MAN2A1: variants seen among roughly 807,000 people sequenced by gnomAD.
MAN2A1 encodes mannosidase alpha class 2A member 1.
A neutral mutation model predicts 142.6 loss-of-function variants in MAN2A1; 76 were observed. The ratio of observed to expected loss-of-function variants is 0.53; its 90% CI spans 0.44 to 0.65. MAN2A1 has a LOEUF of 0.65. Ranked by LOEUF, MAN2A1 falls within the 30% of genes least tolerant of loss-of-function variation. The pLI, the probability that MAN2A1 is intolerant of heterozygous loss-of-function variation, is 0.00. For synonymous variants in MAN2A1, 559 were observed against 473.2 expected (o/e 1.18, Z -2.35); for missense variants, 1,311 against 1,365.1 (o/e 0.96, Z 0.62).
chr5:109,766,474 G>T (rs1752993283), intron 5 of MAN2A1, among the ~76,000 whole-genome samples: 1 of 152,174 alleles, frequency 6.6e-6, no homozygotes, highest in South Asian at 2.1e-4. Flanking sequence ...TGTAGATCCT[G>T]ACTTTTCCTT....
chr5:109,723,194 C>A (rs1194525062), intron 3 of MAN2A1, among the ~76,000 whole-genome samples: 1 of 152,122 alleles, frequency 6.6e-6, no homozygotes, highest in Non-Finnish European at 1.5e-5. Flanking sequence ...GGTAAAATTT[C>A]CAGTGACAGC....
chr5:109,770,623 G>T, intron 7 of MAN2A1, 82 bp downstream of exon 7: 1 of 1,257,860 alleles, frequency 8.0e-7, no homozygotes, highest in Non-Finnish European at 1.1e-6. Context: ...TTGAACAAAT[G>T]GGCTTTATTA....
intron 8 of MAN2A1, among the ~76,000 whole-genome samples, chr5:109,776,490 A>G (rs765153556): frequency 2.0e-5 from 3 of 152,088 alleles, no homozygotes; most frequent in Admixed American, 1.3e-4. Context: ...TCTTACTAGG[A>G]AGTGATTTTG....
chr5:109,785,016 A>C, intron 10 of MAN2A1, 90 bp downstream of exon 10: 1 of 848,564 alleles, frequency 1.2e-6, no homozygotes, highest in Non-Finnish European at 1.8e-6. Flanking sequence ...GTTAGTGTAT[A>C]TCAAACCACA....
intron 6 of MAN2A1, among the ~76,000 whole-genome samples, chr5:109,768,200 G>A (rs1248761101): frequency 6.6e-6 from 1 of 151,448 alleles, no homozygotes; most frequent in East Asian, 1.9e-4. Flanking sequence ...GGCCACGCAG[G>A]CATTCTAAGG....
At chr5:109,749,876 A>T (rs953099144) in intron 4 of MAN2A1, among the ~76,000 whole-genome samples, 1 of 151,922 alleles carries the variant, frequency 6.6e-6, no homozygotes, top group African/African-American at 2.4e-5. Flanking sequence ...TTCTAAGTAA[A>T]TTTTTTTATA....
chr5:109,844,735 C>T (rs1362508002), intron 17 of MAN2A1, among the ~76,000 whole-genome samples: 1 of 152,170 alleles, frequency 6.6e-6, no homozygotes, highest in Non-Finnish European at 1.5e-5. Context: ...TGCATCACTC[C>T]CATCTCTACC....
chr5:109,738,119 A>G (rs1752157684), intron 4 of MAN2A1, among the ~76,000 whole-genome samples: 1 of 152,110 alleles, frequency 6.6e-6, no homozygotes, highest in Non-Finnish European at 1.5e-5. Context: ...TCCTCATGTA[A>G]TCAATCACCT....
intron 2 of MAN2A1, among the ~76,000 whole-genome samples, chr5:109,714,176 AC>A (rs201974066): frequency 0.023 from 2,738 of 119,210 alleles, 32 homozygotes; most frequent in Middle Eastern, 0.087. Context: ...GTAAGGTTAG[AC>A]TTTTTTTTTT....
At chr5:109,720,229 A>G (rs1301846490) in intron 3 of MAN2A1, among the ~76,000 whole-genome samples, 2 of 152,216 alleles carry the variant, frequency 1.3e-5, no homozygotes, top group East Asian at 1.9e-4. Flanking sequence ...TGAAATGAAC[A>G]TTAGAAAATA....
chr5:109,701,928 G>A (rs1750994993), intron 1 of MAN2A1, among the ~76,000 whole-genome samples: 2 of 152,184 alleles, frequency 1.3e-5, no homozygotes, highest in African/African-American at 4.8e-5. Context: ...GTGGATGTTA[G>A]TGGAAATAAT....
At chr5:109,740,466 C>T (rs1013720305) in intron 4 of MAN2A1, among the ~76,000 whole-genome samples, 2 of 152,180 alleles carry the variant, frequency 1.3e-5, no homozygotes, top group Non-Finnish European at 2.9e-5. Context: ...AGAGTCCAGC[C>T]ACCTCAGAAG....
At chr5:109,723,167 A>C (rs1255832088) in intron 3 of MAN2A1, among the ~76,000 whole-genome samples, 1 of 152,206 alleles carries the variant, frequency 6.6e-6, no homozygotes, top group Non-Finnish European at 1.5e-5. Context: ...TAATGCAAAT[A>C]GGTTCCTCTG....
chr5:109,815,040 G>A (rs1754416080), intron 12 of MAN2A1, among the ~76,000 whole-genome samples: 1 of 152,120 alleles, frequency 6.6e-6, no homozygotes, highest in South Asian at 2.1e-4. Flanking sequence ...CTGGGAACAT[G>A]GGTTTCAGTA....
At chr5:109,793,715 C>G (rs1467230264) in intron 12 of MAN2A1, among the ~76,000 whole-genome samples, 1 of 152,146 alleles carries the variant, frequency 6.6e-6, no homozygotes, top group Non-Finnish European at 1.5e-5. Flanking sequence ...CAGATTGCAT[C>G]TCAGCATCAT....
At chr5:109,725,929 T>C (rs1224191460) in intron 3 of MAN2A1, among the ~76,000 whole-genome samples, 1 of 152,134 alleles carries the variant, frequency 6.6e-6, no homozygotes, top group Admixed American at 6.5e-5. Context: ...AAAATAGTGG[T>C]ATCGAATTTG....
Position 109,729,380 on chromosome 5 carries a change from A to C in MAN2A1, c.574A>C (p.Thr192Pro). 1 of 1,605,630 alleles carries C rather than the reference A, an allele frequency of 6.2e-7. No individual in the cohort carries two copies. Among genetic ancestry groups the C allele is most frequent in the Non-Finnish European group, 8.5e-7 (1 of 1,176,844 alleles). ...TTTCAATGACTACTTTAGAGACAAG[A>C]CTCAGTATATTTTTAATAACATGGT... ...KTFNDYFRDK[T>P]QYIFNNMVLK... The change falls in exon 4 of 22, where the codon ACT (threonine) becomes CCT (proline). Residue 192 changes from threonine to proline, a missense_variant. This residue lies in a region of MAN2A1 where 409 missense variants were observed against 412.7 expected (regional missense o/e 0.99). Transcript: ENST00000261483.
intron 12 of MAN2A1, among the ~76,000 whole-genome samples, chr5:109,790,797 G>GA (rs1753718647): frequency 6.6e-6 from 1 of 151,936 alleles, no homozygotes; most frequent in African/African-American, 2.4e-5. Flanking sequence ...CTGGTTATAA[G>GA]AATAATATAT....
chr5:109,790,417 T>A (rs1297006159), intron 12 of MAN2A1, among the ~76,000 whole-genome samples: 1 of 151,922 alleles, frequency 6.6e-6, no homozygotes, highest in Non-Finnish European at 1.5e-5. Flanking sequence ...TCTAAATTTC[T>A]TTAGTAAGTA....
Sources: allele counts gnomAD v4.1 joint callset (sites outside exome capture counted in the v4.1 genomes callset), GRCh38; gene constraint gnomAD v4.1.1; regional missense constraint gnomAD v4.1.1; transcripts MANE v1.5; gene names NCBI Gene and HGNC (gene_info 2026-07-23, HGNC 2026-07-21).